Variants in FGFR3 observed in about 807,000 individuals in gnomAD.
FGFR3 encodes FGFR-3.
A neutral mutation model predicts 82.9 loss-of-function variants in FGFR3; 25 were observed. That is an observed-to-expected ratio of 0.30 (90% CI 0.22 to 0.42). The LOEUF is 0.42. Ranked by LOEUF, FGFR3 falls within the 10% of genes least tolerant of loss-of-function variation. The pLI, the probability that FGFR3 is intolerant of heterozygous loss-of-function variation, is 1.00. For missense variants in FGFR3, 1,026 were observed against 1,161.0 expected (o/e 0.88, Z 1.69); for synonymous variants, 620 against 516.0 (o/e 1.20, Z -2.73).
chr4:1,804,294 G>GGGCCA (rs1553846911), intron 8 of FGFR3, 36 bp from the exon 9 acceptor site: 6 of 1,553,430 alleles, frequency 3.9e-6, no homozygotes, highest in Admixed American at 1.9e-5. Flanking sequence ...GTGGGGGGGG[G>GGGCCA]GGCCAGGCCA....
rs772276122 is a variant in FGFR3, at chr4:1,805,571, A to T, written c.1547A>T (p.Asp516Val). The change falls in exon 12 of 18, where the codon GAC becomes GTC. Residue 516 changes from aspartate to valine, a missense_variant. Transcript: ENST00000440486. Reference sequence around the variant, plus strand: ...GCTCCGTGCACAGACGATGCCACTGACAAGGACCTGTCGGACCTGGTGTCT... The same window carrying T: ...GCTCCGTGCACAGACGATGCCACTGTCAAGGACCTGTCGGACCTGGTGTCT... ...AVKMLKDDAT[D>V]KDLSDLVSEM... The T allele has an allele frequency of 3.1e-6, 5 of 1,613,200 alleles. No homozygotes were observed. Among genetic ancestry groups the T allele is most frequent in the Non-Finnish European group, 4.2e-6 (5 of 1,179,826 alleles).
chr4:1,793,864 C>A lies in FGFR3; in HGVS notation c.-71C>A. The A allele has an allele frequency of 2.1e-6, 1 of 469,710 alleles. No individual in the cohort carries two copies. Among genetic ancestry groups the A allele is most frequent in the Non-Finnish European group, 2.9e-6 (1 of 348,696 alleles). 29.1% of individuals were successfully genotyped at this position (469,710 alleles called of 1,614,324 possible). A position where few individuals can be genotyped will look rare whatever the true frequency, so the allele number is the denominator to read the frequency against. On this transcript the variant is annotated 5_prime_UTR_variant, in exon 2 of 18. Transcript: ENST00000440486. ...GAGCGGCGCCCGCCTCCCGCCGGTGCCCGCGCCGGGCCGTGGGGGGCAGCA... is the reference window on the plus strand; with the variant it reads ...GAGCGGCGCCCGCCTCCCGCCGGTGACCGCGCCGGGCCGTGGGGGGCAGCA...
At chr4:1,805,021 T>C in intron 10 of FGFR3, 52 bp downstream of exon 10, 3 of 1,507,702 alleles carry the variant, frequency 2.0e-6, no homozygotes, top group Non-Finnish European at 1.8e-6. Flanking sequence ...GTGGTGGGGG[T>C]GAAACAGCCA....
chr4:1,796,380 A>C (rs1161209664), intron 2 of FGFR3, among the ~76,000 whole-genome samples: 2 of 152,030 alleles, frequency 1.3e-5, no homozygotes, highest in African/African-American at 2.4e-5. Context: ...GGAGACAGGG[A>C]GGCTGGACTT....
chr4:1,801,457 C>A lies in FGFR3; in HGVS notation c.536C>A (p.Ala179Asp), dbSNP rs1445511177. The change falls in exon 5 of 18, where the codon GCT becomes GAT. Residue 179 changes from alanine to aspartate, a missense_variant. Ala to Asp is a moderately radical substitution (Grantham distance 126). Around this residue, in one of 9 missense-constraint regions of FGFR3, gnomAD observed 147 missense variants for 228.1 expected, o/e 0.64. Transcript: ENST00000440486. ...ACCGTCCGCTTCCGCTGCCCAGCCG[C>A]TGGCAACCCCACTCCCTCCATCTCC... ...ANTVRFRCPA[A>D]GNPTPSISWL... The A allele has an allele frequency of 6.4e-7, 1 of 1,553,512 alleles. No homozygotes were observed. The highest frequency in any genetic ancestry group is 1.2e-5 in the South Asian group (1 of 84,320).
Position 1,806,191 on chromosome 4 carries a change from G to C in FGFR3, c.1959+18G>C. 6.2e-7 allele frequency: 1 copy of C among 1,612,438 alleles called. No homozygotes were observed. Among genetic ancestry groups the C allele is most frequent in the East Asian group, 2.2e-5 (1 of 44,862 alleles). Reference sequence around the variant, plus strand: ...CGACCAACGTGAGCCCGGCCCTGGGGTGCGGGGGTGGGGGTCATGCCAGTA... The same window carrying C: ...CGACCAACGTGAGCCCGGCCCTGGGCTGCGGGGGTGGGGGTCATGCCAGTA... On this transcript the variant is annotated intron_variant, in intron 14 of 17. Transcript: ENST00000440486.
intron 4 of FGFR3, among the ~76,000 whole-genome samples, chr4:1,800,801 G>C (rs1050239626): frequency 6.6e-6 from 1 of 152,230 alleles, no homozygotes; most frequent in African/African-American, 2.4e-5. Flanking sequence ...TGGGCTGTGA[G>C]AGGGGTGGTG....
Position 1,799,904 on chromosome 4 carries a change from C to T in FGFR3, c.445+92C>T, listed in dbSNP as rs543874745. ...TTCACAGGCAGCTGAGGGACTAAGG[C>T]CCCGGAACAACCTCCCTGGGGTCAC... On this transcript the variant is annotated intron_variant, in intron 4 of 17. Transcript: ENST00000440486. The T allele has an allele frequency of 5.5e-6, 8 of 1,445,452 alleles. No homozygotes were observed. The African/African-American group carries it at 8.4e-5, about 15-fold the overall frequency. The allele number at this position is 1,445,452 out of a possible 1,614,324, so 89.5% of individuals were successfully genotyped here.
rs773733049 is a variant in FGFR3, at chr4:1,806,128, G to A, written c.1914G>A (p.Leu638=). Residue 638 remains leucine, a synonymous_variant, in exon 14 of 18, where the codon CTG becomes CTA. Coordinates refer to ENST00000440486, the MANE Select transcript of FGFR3 (RefSeq NM_000142.5). ...TGATGAAGATCGCAGACTTCGGGCT[G>A]GCCCGGGACGTGCACAACCTCGACT... is the stretch of plus-strand genomic sequence containing the variant. ...DNVMKIADFG[L]ARDVHNLDYY... is the part of the protein sequence containing the mutation. 1.9e-6 allele frequency: 3 copies of A among 1,613,506 alleles called. No homozygotes were observed. The highest frequency in any genetic ancestry group is 2.5e-6 in the Non-Finnish European group (3 of 1,179,900).
chr4:1,805,947 A>T lies in FGFR3; in HGVS notation c.1836+7A>T, dbSNP rs1477511513. The T allele has an allele frequency of 1.2e-6, 2 of 1,607,574 alleles. No homozygotes were observed. The highest frequency in any genetic ancestry group is 1.7e-6 in the Non-Finnish European group (2 of 1,175,766). ...GTACTTGGCCTCCCAGAAGGTGGGC[A>T]GGGCGGCAGGTGTGGGTGGAGTAGG... On this transcript the variant is annotated splice_region_variant and intron_variant, in intron 13 of 17. Coordinates refer to ENST00000440486, the MANE Select transcript of FGFR3 (RefSeq NM_000142.5).
At chr4:1,807,047 C>T (rs1401578778) in intron 17 of FGFR3, 69 bp from the exon 18 acceptor site, 1 of 1,551,694 alleles carries the variant, frequency 6.4e-7, no homozygotes, top group Non-Finnish European at 8.7e-7. Flanking sequence ...GGGGCACAGC[C>T]TGGGCACAGA....
At chr4:1,797,391 G>A (rs946402551) in intron 2 of FGFR3, among the ~76,000 whole-genome samples, 3 of 149,016 alleles carry the variant, frequency 2.0e-5, no homozygotes, top group Admixed American at 6.6e-5. Flanking sequence ...GGCAGGCAGT[G>A]GGGGGGGCAG....
chr4:1,802,162 T>G, intron 7 of FGFR3, 137 bp downstream of exon 7: 1 of 943,404 alleles, frequency 1.1e-6, no homozygotes, highest in South Asian at 1.5e-5. Flanking sequence ...GGGGTGCTTG[T>G]GGGGCCAAGT....
At chr4:1,794,849 C>G (rs1720286769) in intron 2 of FGFR3, among the ~76,000 whole-genome samples, 2 of 151,630 alleles carry the variant, frequency 1.3e-5, no homozygotes, top group Non-Finnish European at 2.9e-5. Flanking sequence ...GCGCACAGCT[C>G]AGCCCGGCGG....
rs1048418015 is a variant in FGFR3, at chr4:1,805,777, C to T, written c.1673C>T (p.Ala558Val). The T allele has an allele frequency of 8.1e-6, 13 of 1,612,438 alleles. No individual in the cohort carries two copies. Among genetic ancestry groups the T allele is most frequent in the Middle Eastern group, 1.7e-4 (1 of 6,030 alleles). The change falls in exon 13 of 18, where the codon GCG (alanine) becomes GTG (valine). Residue 558 changes from alanine (A) to valine (V), a missense_variant. Transcript: ENST00000440486. ...GGPLYVLVEY[A>V]AKGNLREFLR... ...CCCCTGTACGTGCTGGTGGAGTACG[C>T]GGCCAAGGGTAACCTGCGGGAGTTT... is the stretch of plus-strand genomic sequence containing the variant.
At chr4:1,794,100 G>C in intron 2 of FGFR3, 57 bp downstream of exon 2, 1 of 1,116,376 alleles carries the variant, frequency 9.0e-7, no homozygotes, top group South Asian at 2.7e-5. Context: ...AGAGGCGTTG[G>C]GGACGGGAAC....
At chr4:1,796,992 G>C (rs576182258) in intron 2 of FGFR3, among the ~76,000 whole-genome samples, 43 of 152,308 alleles carry the variant, frequency 2.8e-4, no homozygotes, top group African/African-American at 8.9e-4. Context: ...GGTCGGCACT[G>C]TGTGGGGTTG....
Position 1,804,454 on chromosome 4 carries a change from C to T in FGFR3, c.1200C>T (p.Ser400=), listed in dbSNP as rs750427482. The change falls in exon 9 of 18, where the codon AGC becomes AGT. Residue 400 remains serine, a synonymous_variant. Transcript: ENST00000440486. ...CTGTGACGCTCTGCCGCCTGCGCAGCCCCCCCAAGAAAGGCCTGGGCTCCC... is the reference window on the plus strand; with the variant it reads ...CTGTGACGCTCTGCCGCCTGCGCAGTCCCCCCAAGAAAGGCCTGGGCTCCC... ...VAAVTLCRLR[S]PPKKGLGSPT... 2.0e-5 allele frequency: 32 copies of T among 1,612,270 alleles called. No individual in the cohort carries two copies. The highest frequency in any genetic ancestry group is 3.3e-5 in the Admixed American group (2 of 59,888).
intron 4 of FGFR3, 149 bp downstream of exon 4, chr4:1,799,961 G>A: frequency 2.3e-6 from 2 of 861,088 alleles, no homozygotes; most frequent in Non-Finnish European, 3.6e-6. Flanking sequence ...GGATACAGGA[G>A]GGGCTGGGTC....
Sources: allele counts gnomAD v4.1 joint callset (sites outside exome capture counted in the v4.1 genomes callset), GRCh38; gene constraint gnomAD v4.1.1; regional missense constraint gnomAD v4.1.1; transcripts MANE v1.5; gene names NCBI Gene and HGNC (gene_info 2026-07-23, HGNC 2026-07-21).